The following PCDH15 variants were observed in gnomAD, a reference collection of about 807,000 sequenced individuals.
The protein encoded by PCDH15 is protocadherin-15.
PCDH15 carries 129 observed loss-of-function variants against 178.5 expected under a neutral mutation model. That is an observed-to-expected ratio of 0.72 (90% confidence interval 0.63 to 0.84). The LOEUF (loss-of-function observed/expected upper bound fraction) is 0.84, where lower values mean the gene tolerates loss of function less well. PCDH15 is among the 40% of genes least tolerant of loss of function. The probability of loss-of-function intolerance (pLI) is 0.00; values close to 1 mark genes in which losing one functional copy is unlikely to be tolerated. For missense variants in PCDH15, 2,230 were observed against 2,099.9 expected (o/e 1.06, Z -1.21); for synonymous variants, 800 against 732.0 (o/e 1.09, Z -1.50).
chr10:54,936,503 G>A (rs192271188), intron 2 of PCDH15, among the ~76,000 whole-genome samples: 101 of 152,046 alleles, frequency 6.6e-4, no homozygotes, highest in Non-Finnish European at 1.3e-3. Context: ...CCAACAACGT[G>A]TAGAGATTCT....
chr10:54,794,205 T>G (rs1261441181), intron 1 of PCDH15, among the ~76,000 whole-genome samples: 1 of 150,376 alleles, frequency 6.6e-6, no homozygotes. Context: ...ACATGCATTT[T>G]ATTACATAAA....
chr10:55,246,679 G>A (rs1841687730), intron 1 of PCDH15, among the ~76,000 whole-genome samples: 1 of 152,154 alleles, frequency 6.6e-6, no homozygotes, highest in Non-Finnish European at 1.5e-5. Flanking sequence ...ATGCTCATGT[G>A]TATCAGGTGT....
At chr10:53,954,456 T>G (rs1281439099) in intron 23 of PCDH15, among the ~76,000 whole-genome samples, 1 of 152,230 alleles carries the variant, frequency 6.6e-6, no homozygotes, top group Non-Finnish European at 1.5e-5. Flanking sequence ...ACTGGTATAC[T>G]GAAAAACGTA....
chr10:54,519,974 A>G (rs916472493), intron 3 of PCDH15, among the ~76,000 whole-genome samples: 8 of 152,238 alleles, frequency 5.3e-5, no homozygotes, highest in Admixed American at 2.6e-4. Flanking sequence ...AGGATTCCCT[A>G]TTTAATAAAT....
intron 37 of PCDH15, among the ~76,000 whole-genome samples, chr10:53,807,393 T>C (rs1021841519): frequency 6.6e-6 from 1 of 152,176 alleles, no homozygotes; most frequent in South Asian, 2.1e-4. Flanking sequence ...TGTATTCTTT[T>C]AGATCAAATT....
intron 8 of PCDH15, among the ~76,000 whole-genome samples, chr10:54,242,615 CTT>C (rs1158306966): frequency 1.3e-5 from 2 of 151,954 alleles, no homozygotes; most frequent in African/African-American, 2.4e-5. Flanking sequence ...GGTCAGTAAA[CTT>C]AAAAAAATGA....
intron 8 of PCDH15, among the ~76,000 whole-genome samples, chr10:54,294,346 G>A (rs1413941876): frequency 6.6e-6 from 1 of 151,982 alleles, no homozygotes; most frequent in Admixed American, 6.6e-5. Flanking sequence ...GATAGCATTG[G>A]GAGAATTACC....
intron 32 of PCDH15, among the ~76,000 whole-genome samples, chr10:53,823,976 T>C (rs960796648): frequency 2.0e-5 from 3 of 152,186 alleles, no homozygotes; most frequent in Non-Finnish European, 2.9e-5. Flanking sequence ...TTCTTCTGTT[T>C]AAATTTTGTG....
chr10:54,313,976 C>A lies in PCDH15; in HGVS notation c.876+3295G>T, dbSNP rs141293660. 3.4e-3 allele frequency among the ~76,000 whole-genome samples: 513 copies of A among 152,224 alleles called. 4 individuals are homozygous for A. Among genetic ancestry groups the A allele is most frequent in the African/African-American group, 0.012 (489 of 41,562 alleles). ...TACTAGTAAACAGTCATCAGACTGA[C>A]TCATTGAATTGGATTATTGCGGTTT... On this transcript the variant is annotated intron_variant, in intron 8 of 37. Transcript: ENST00000644397.
intron 2 of PCDH15, among the ~76,000 whole-genome samples, chr10:55,103,779 C>A (rs999879503): frequency 2.6e-5 from 4 of 152,006 alleles, no homozygotes; most frequent in Non-Finnish European, 5.9e-5. Context: ...TGTTTAGGGA[C>A]AAGTAGACCA....
chr10:55,570,542 T>C (rs1196862909), intron 2 of PCDH15, among the ~76,000 whole-genome samples: 1 of 152,012 alleles, frequency 6.6e-6, no homozygotes, highest in African/African-American at 2.4e-5. Flanking sequence ...TCTCTGAAAT[T>C]ACAGTGTCAG....
chr10:54,865,297 G>C (rs946427048), intron 3 of PCDH15, among the ~76,000 whole-genome samples: 3 of 152,168 alleles, frequency 2.0e-5, no homozygotes, highest in Non-Finnish European at 4.4e-5. Flanking sequence ...TCTTGTGCTG[G>C]ATGCTGGTTA....
intron 2 of PCDH15, among the ~76,000 whole-genome samples, chr10:54,647,390 C>T (rs899217997): frequency 1.3e-5 from 2 of 151,934 alleles, no homozygotes; most frequent in Non-Finnish European, 2.9e-5. Context: ...ATATGCTAAA[C>T]AACATGTGTA....
At position 55,434,043 on chromosome 10, in the gene PCDH15, A is replaced by C. The variant is rs140092103; in HGVS notation, c.-156+193582T>G. Among the ~76,000 whole-genome samples, 481 of 151,376 alleles carry C rather than the reference A, an allele frequency of 3.2e-3. 2 individuals carry two copies. The highest frequency in any genetic ancestry group is 5.4e-3 in the Non-Finnish European group (368 of 67,830). On this transcript the variant is annotated intron_variant, in intron 2 of 5. Coordinates refer to the PCDH15 transcript ENST00000613346. ...CTGAAGTTTGATAAATCATAACATA[A>C]GGAAAACAAATTCTCCGCTTTTTCT...
chr10:55,087,872 A>T (rs1842214081), intron 2 of PCDH15, among the ~76,000 whole-genome samples: 1 of 152,174 alleles, frequency 6.6e-6, no homozygotes, highest in Non-Finnish European at 1.5e-5. Flanking sequence ...TAACATTAAA[A>T]TCTAATAAAA....
At chr10:54,428,099 T>C (rs1234273221) in intron 3 of PCDH15, among the ~76,000 whole-genome samples, 1 of 152,208 alleles carries the variant, frequency 6.6e-6, no homozygotes, top group East Asian at 1.9e-4. Context: ...CCCATCTTCA[T>C]GGGAACACAT....
intron 6 of PCDH15, among the ~76,000 whole-genome samples, chr10:54,340,485 C>G (rs1588916387): frequency 6.6e-6 from 1 of 152,150 alleles, no homozygotes; most frequent in African/African-American, 2.4e-5. Flanking sequence ...CTTTTGTTAA[C>G]AGCAGTGAAT....
chr10:54,116,317 G>A (rs2095112355), intron 15 of PCDH15, among the ~76,000 whole-genome samples: 1 of 151,382 alleles, frequency 6.6e-6, no homozygotes, highest in Non-Finnish European at 1.5e-5. Context: ...GATAATCCTG[G>A]AAAGGAGAAT....
At chr10:53,887,002 T>C (rs2069217) in intron 26 of PCDH15, among the ~76,000 whole-genome samples, 16,261 of 152,140 alleles carry the variant, frequency 0.11, 2,001 homozygotes, top group African/African-American at 0.29. Flanking sequence ...TATGAATCTG[T>C]TTTTGACATG....
Sources: allele counts gnomAD v4.1 joint callset (sites outside exome capture counted in the v4.1 genomes callset), GRCh38; gene constraint gnomAD v4.1.1; transcripts MANE v1.5; gene names NCBI Gene and HGNC (gene_info 2026-07-23, HGNC 2026-07-21).